The following COL7A1 variants were observed in gnomAD, a reference collection of about 807,000 sequenced individuals.
COL7A1 encodes collagen type VII alpha 1 chain.
COL7A1 carries 296 observed loss-of-function variants against 456.2 expected under a neutral mutation model. The ratio of observed to expected loss-of-function variants is 0.65; its 90% CI spans 0.59 to 0.71. The LOEUF (loss-of-function observed/expected upper bound fraction) is 0.71, where lower values mean the gene tolerates loss of function less well. COL7A1 is among the 30% of genes least tolerant of loss of function. The pLI is 0.00. For synonymous variants in COL7A1, 1,464 were observed against 1,525.9 expected, an observed-to-expected ratio of 0.96 and a Z score of 0.95; for missense variants, 3,441 against 4,017.2, an observed-to-expected ratio of 0.86 and a Z score of 3.88.
Position 48,577,014 on chromosome 3 carries a change from T to C in COL7A1, c.5546A>G (p.Asp1849Gly), listed in dbSNP as rs765158231. 2 of 1,613,896 alleles carry C rather than the reference T, an allele frequency of 1.2e-6. No individual in the cohort carries two copies. Among genetic ancestry groups the C allele is most frequent in the Non-Finnish European group, 1.7e-6 (2 of 1,180,014 alleles). The change falls in exon 66 of 119, where the codon GAC (aspartate) becomes GGC (glycine). Residue 1849 changes from aspartate to glycine, a missense_variant. Transcript: ENST00000681320. ...GLNGKNGEPG[D>G]PGEDGRKGEK... ...TACCTTCCTCCCGTCTTCTCCAGGG[T>C]CCCCAGGTTCTCCCTGTGGGCAGAG...
rs760429587 is a variant in COL7A1, at chr3:48,569,841, A to AC, written c.7521+38dup. On this transcript the variant is annotated intron_variant, in intron 100 of 118. Transcript: ENST00000681320. This position sits in a 1 kb window ranked among gnomAD's most constrained non-coding sequence, Gnocchi z 4.9. ...TTCTAATATCATACAAGATCCACTC[A>AC]CCCCCCCACTCATGCCAGGACCTTC... 108 of 1,612,816 alleles carry AC rather than the reference A, an allele frequency of 6.7e-5. No homozygotes were observed. The highest frequency in any genetic ancestry group is 3.3e-4 in the Middle Eastern group (2 of 6,082).
rs2044275369 is a variant in COL7A1 at position 48,576,021 on chromosome 3, C to T, written c.5821-119G>A. On this transcript the variant is annotated intron_variant, in intron 71 of 118. Transcript: ENST00000681320. The stretch of plus-strand genomic sequence containing the variant: ...TCCCTAGGCCTCTTGCCCAGAGCAC[C>T]CTTTAGCACTTGGTTGAGGCATGGC... 2.6e-6 allele frequency: 4 copies of T among 1,532,344 alleles called. No homozygotes were observed. In the Admixed American group the frequency reaches 5.3e-5, roughly 20 times the overall value. 94.9% of individuals were successfully genotyped at this position (1,532,344 alleles called of 1,614,324 possible).
At chr3:48,584,849 C>T (rs969028087) in intron 34 of COL7A1, 61 bp downstream of exon 34, 5 of 1,613,572 alleles carry the variant, frequency 3.1e-6, no homozygotes, top group Admixed American at 3.3e-5. Flanking sequence ...ACCCCAGGCT[C>T]CCACCCTGTG....
chr3:48,584,336 G>A lies in COL7A1; in HGVS notation c.4159C>T (p.Pro1387Ser). 6.2e-7 allele frequency: 1 copy of A among 1,613,248 alleles called. No individual in the cohort carries two copies. Among genetic ancestry groups the A allele is most frequent in the Non-Finnish European group, 8.5e-7 (1 of 1,179,620 alleles). Residue 1387 changes from proline to serine, a missense_variant, in exon 37 of 119, where the codon CCC becomes TCC. By Grantham distance (74) the Pro-to-Ser change is moderately conservative. This residue lies in a region of COL7A1 where 2,084 missense variants were observed against 2,501.3 expected (regional missense o/e 0.83). Coordinates refer to ENST00000681320, the MANE Select transcript of COL7A1 (RefSeq NM_000094.4). ...CCAGGAAGCCCTGGGGGGCCACGGG[G>A]TCCTGGGTCCCCCAGTGGTCCACGA... ...GPRGPLGDPG[P>S]RGPPGLPGTA...
rs1230772365 is a variant in COL7A1, at chr3:48,568,051, T to C, written c.7875+39A>G. Reference sequence around the variant, plus strand: ...GTCCCTCGCCCTTCAACATTAGGCCTTCCTGACCAGAAAAAAACCAATCTT... The same window carrying C: ...GTCCCTCGCCCTTCAACATTAGGCCCTCCTGACCAGAAAAAAACCAATCTT... On this transcript the variant is annotated intron_variant, in intron 106 of 118. Transcript: ENST00000681320. This position sits in a 1 kb window ranked among gnomAD's most constrained non-coding sequence, Gnocchi z 5.2. 3.7e-6 allele frequency: 6 copies of C among 1,613,166 alleles called. No homozygotes were observed. The highest frequency in any genetic ancestry group is 1.6e-4 in the Middle Eastern group (1 of 6,082).
chr3:48,583,382 C>CT lies in COL7A1; in HGVS notation c.4437+10dup. The CT allele has an allele frequency of 6.2e-7, 1 of 1,614,112 alleles. No individual in the cohort carries two copies. Among genetic ancestry groups the CT allele is most frequent in the Non-Finnish European group, 8.5e-7 (1 of 1,179,946 alleles). On this transcript the variant is annotated intron_variant, in intron 42 of 118. Transcript: ENST00000681320. This position sits in a 1 kb window ranked among gnomAD's most constrained non-coding sequence, Gnocchi z 5.1. ...CACCCCTCACACCTGAATCCCCCAA[C>CT]TGGTACTCACTTTGGGGCCAATAGC... is the stretch of plus-strand genomic sequence containing the variant.
rs756466146 is a variant in COL7A1, at chr3:48,590,165, G to C, written c.2050+48C>G. Reference sequence around the variant, plus strand: ...TCTGCAAGGGAAGGCATGGGGGTCTGAAAGAGCAATGGAGGCAGAGAGCCA... The same window carrying C: ...TCTGCAAGGGAAGGCATGGGGGTCTCAAAGAGCAATGGAGGCAGAGAGCCA... On this transcript the variant is annotated intron_variant, in intron 16 of 118. Transcript: ENST00000681320. This position sits in a 1 kb window ranked among gnomAD's most constrained non-coding sequence, Gnocchi z 4.6. The C allele has an allele frequency of 6.2e-7, 1 of 1,600,648 alleles. No homozygotes were observed. Among genetic ancestry groups the C allele is most frequent in the African/African-American group, 1.3e-5 (1 of 74,694 alleles).
In COL7A1 at chr3:48,576,312, C is replaced by A; in HGVS notation, c.5773-16G>T. 1 of 1,613,900 alleles carries A rather than the reference C, an allele frequency of 6.2e-7. No homozygotes were observed. Among genetic ancestry groups the A allele is most frequent in the Non-Finnish European group, 8.5e-7 (1 of 1,180,012 alleles). On this transcript the variant is annotated splice_polypyrimidine_tract_variant and intron_variant, in intron 70 of 118. Transcript: ENST00000681320. Reference sequence around the variant, plus strand: ...CAGGGAGGCCCTGGAGAGATGAAGACAAACTGCTAGGAACCAGCCTATGGG... The same window carrying A: ...CAGGGAGGCCCTGGAGAGATGAAGAAAAACTGCTAGGAACCAGCCTATGGG...
At position 48,569,776 on chromosome 3, in the gene COL7A1, G is replaced by A. The variant is rs1261107356; in HGVS notation, c.7522-16C>T. 1 of 1,614,068 alleles carries A rather than the reference G, an allele frequency of 6.2e-7. No individual in the cohort carries two copies. The highest frequency in any genetic ancestry group is 1.3e-5 in the African/African-American group (1 of 74,936). On this transcript the variant is annotated splice_polypyrimidine_tract_variant and intron_variant, in intron 100 of 118. Transcript: ENST00000681320. This position sits in a 1 kb window ranked among gnomAD's most constrained non-coding sequence, Gnocchi z 4.9. ...CAACATCACCCTATTGGGCAAAAGA[G>A]TGTGAGTCCCGCCCAAACTGGGGAG...
rs2107625297 is a variant in COL7A1 at position 48,564,832 on chromosome 3, C to T, written c.8769G>A (p.Glu2923=). The part of the protein sequence containing the change: ...GGNANRFGTR[E]ACERRCPPRV... ...GGGGTGGGCAGCGGCGCTCGCAGGC[C>T]TCACGGGTCCCAAAACGGTTGGCAT... Residue 2923 remains glutamate (E), a synonymous_variant, in exon 118 of 119, where the codon GAG becomes GAA. Transcript: ENST00000681320. This position sits in a 1 kb window ranked among gnomAD's most constrained non-coding sequence, Gnocchi z 6.0. 21 of 1,614,074 alleles carry T rather than the reference C, an allele frequency of 1.3e-5. No homozygotes were observed. Among genetic ancestry groups the T allele is most frequent in the Non-Finnish European group, 1.8e-5 (21 of 1,179,988 alleles).
At position 48,566,162 on chromosome 3, in the gene COL7A1, T is replaced by C; in HGVS notation, c.8407+105A>G. ...ATGTGTCCTTCTGTGTATCCATCCA[T>C]CCCCCCATCTTCTTGACTGCTTGCC... On this transcript the variant is annotated intron_variant, in intron 114 of 118. Transcript: ENST00000681320. This position sits in a 1 kb window ranked among gnomAD's most constrained non-coding sequence, Gnocchi z 5.9. The C allele has an allele frequency of 2.5e-6, 3 of 1,198,014 alleles. No homozygotes were observed. Among genetic ancestry groups the C allele is most frequent in the Non-Finnish European group, 3.6e-6 (3 of 827,284 alleles). 74.2% of individuals were successfully genotyped at this position (1,198,014 alleles called of 1,614,324 possible). A position where few individuals can be genotyped will look rare whatever the true frequency, so the allele number is the denominator to read the frequency against.
In COL7A1 at chr3:48,580,355, G is replaced by A; in HGVS notation, c.5053-11C>T. ...TGATCCAGGGCTGCCCTGCAGAAAGGCAGGGGTCAGGGCCACTCAAGGTAG... is the reference window on the plus strand; with the variant it reads ...TGATCCAGGGCTGCCCTGCAGAAAGACAGGGGTCAGGGCCACTCAAGGTAG... On this transcript the variant is annotated splice_polypyrimidine_tract_variant and intron_variant, in intron 55 of 118. Coordinates refer to ENST00000681320, the MANE Select transcript of COL7A1 (RefSeq NM_000094.4). The surrounding 1 kb of genome is among the most constrained non-coding windows in gnomAD (Gnocchi z 4.5). 1 of 1,608,136 alleles carries A rather than the reference G, an allele frequency of 6.2e-7. No homozygotes were observed. The highest frequency in any genetic ancestry group is 8.5e-7 in the Non-Finnish European group (1 of 1,176,980).
In COL7A1 at chr3:48,569,676, G is replaced by T; in HGVS notation, c.7558-28C>A. ...GAGGGGGCAGGCAGGAATCAGAGGA[G>T]TCGGGAGCACCCTGGCCCCTGCCCT... On this transcript the variant is annotated intron_variant, in intron 101 of 118. Transcript: ENST00000681320. This position sits in a 1 kb window ranked among gnomAD's most constrained non-coding sequence, Gnocchi z 4.9. 1 of 1,614,056 alleles carries T rather than the reference G, an allele frequency of 6.2e-7. No individual in the cohort carries two copies. The highest frequency in any genetic ancestry group is 8.5e-7 in the Non-Finnish European group (1 of 1,179,988).
In COL7A1 at chr3:48,575,983, C is replaced by A. The variant is rs529853479; in HGVS notation, c.5821-81G>T. ...GCCCCGCACGGCCTCAGGAAAGCAC[C>A]TTCACACCCTTTTCCCTAGGCCTCT... On this transcript the variant is annotated intron_variant, in intron 71 of 118. Transcript: ENST00000681320. This position sits in a 1 kb window ranked among gnomAD's most constrained non-coding sequence, Gnocchi z 6.3. 61 of 1,604,834 alleles carry A rather than the reference C, an allele frequency of 3.8e-5. No individual in the cohort carries two copies. Among genetic ancestry groups the A allele is most frequent in the Non-Finnish European group, 5.1e-5 (60 of 1,172,066 alleles).
Position 48,573,153 on chromosome 3 carries a change from G to T in COL7A1, c.6714+21C>A, listed in dbSNP as rs777265238. 3.1e-6 allele frequency: 5 copies of T among 1,613,998 alleles called. No individual in the cohort carries two copies. In the African/African-American group the frequency reaches 6.7e-5, roughly 22 times the overall value. ...GAGTGAAAACACGGTGTCCCTACAG[G>T]GGCCACAGGGACTCACTCACCACAA... On this transcript the variant is annotated intron_variant, in intron 85 of 118. Transcript: ENST00000681320. The surrounding 1 kb of genome is among the most constrained non-coding windows in gnomAD (Gnocchi z 5.5).
Position 48,577,015 on chromosome 3 carries a change from C to T in COL7A1, c.5545G>A (p.Asp1849Asn), listed in dbSNP as rs2044359611. The change falls in exon 66 of 119, where the codon GAC (aspartate) becomes AAC (asparagine). Residue 1849 changes from aspartate to asparagine, a missense_variant. Physicochemically the swap from Asp to Asn is conservative, Grantham distance 23. Transcript: ENST00000681320. ...GLNGKNGEPG[D>N]PGEDGRKGEK... ...ACCTTCCTCCCGTCTTCTCCAGGGT[C>T]CCCAGGTTCTCCCTGTGGGCAGAGG... 6.2e-7 allele frequency: 1 copy of T among 1,613,866 alleles called. No homozygotes were observed. Among genetic ancestry groups the T allele is most frequent in the South Asian group, 1.1e-5 (1 of 91,094 alleles).
chr3:48,591,561 G>A lies in COL7A1; in HGVS notation c.1539C>T (p.Asp513=). Residue 513 remains aspartate (D), a synonymous_variant, in exon 13 of 119, where the codon GAC becomes GAT. Transcript: ENST00000681320. The surrounding 1 kb of genome is among the most constrained non-coding windows in gnomAD (Gnocchi z 7.0). The stretch of plus-strand genomic sequence containing the variant: ...GCCCGGGCAGCTCGGTGGCTTGCAG[G>A]TCTGTTACAGGGCTCACAGGCAGCT... ...GPELPVSPVT[D]LQATELPGQR... is the part of the protein sequence containing the mutation. 6.2e-7 allele frequency: 1 copy of A among 1,613,790 alleles called. No individual in the cohort carries two copies. The highest frequency in any genetic ancestry group is 8.5e-7 in the Non-Finnish European group (1 of 1,179,982).
At chr3:48,589,151 G>A (rs1027015193) in intron 18 of COL7A1, among the ~76,000 whole-genome samples, 156 bp from the exon 19 acceptor site, 1 of 152,144 alleles carries the variant, frequency 6.6e-6, no homozygotes, top group African/African-American at 2.4e-5. Flanking sequence ...CTTGGGGTGG[G>A]CAGTGTGGGG....
At position 48,576,263 on chromosome 3, in the gene COL7A1, G is replaced by T; in HGVS notation, c.5806C>A (p.Pro1936Thr). The T allele has an allele frequency of 6.2e-7, 1 of 1,613,760 alleles. No individual in the cohort carries two copies. Among genetic ancestry groups the T allele is most frequent in the Non-Finnish European group, 8.5e-7 (1 of 1,179,994 alleles). ...LPGERGLRGEPGSVPNVDRLL... is the reference protein window; with the variant it reads ...LPGERGLRGETGSVPNVDRLL... ...GCCTGGCTCACCGGCACACTTCCAG[G>T]CTCTCCTCGCAGGCCACGCTCTCCA... is the stretch of plus-strand genomic sequence containing the variant. Residue 1936 changes from proline (P) to threonine (T), a missense_variant, in exon 71 of 119, where the codon CCT becomes ACT. Pro to Thr is a conservative substitution (Grantham distance 38, BLOSUM62 -1). Transcript: ENST00000681320.
Sources: gnomAD v4.1 joint callset for allele counts (sites outside exome capture counted in the v4.1 genomes callset) on GRCh38, gnomAD v4.1.1 for gene constraint, gnomAD v4.1.1 regional missense constraint, Gnocchi (gnomAD v3.1) non-coding constraint, MANE v1.5 for transcripts, NCBI Gene and HGNC (gene_info 2026-07-23, HGNC 2026-07-21) for gene names.